The following NHEJ1 variants were observed in gnomAD, a reference collection of about 807,000 sequenced individuals.
The protein encoded by NHEJ1 is non-homologous end joining factor 1.
Under a neutral mutation model 39.4 loss-of-function variants are expected in NHEJ1, and 22 were observed. The ratio of observed to expected loss-of-function variants is 0.56; its 90% CI spans 0.40 to 0.80. NHEJ1 has a LOEUF of 0.80. NHEJ1 is among the 30% of genes least tolerant of loss of function. The probability of loss-of-function intolerance (pLI) is 0.00; values close to 1 mark genes in which losing one functional copy is unlikely to be tolerated. For missense variants in NHEJ1, 329 were observed against 357.1 expected, an observed-to-expected ratio of 0.92 and a Z score of 0.63; for synonymous variants, 154 against 135.6, an observed-to-expected ratio of 1.14 and a Z score of -0.94.
chr2:219,075,008 T>C lies in NHEJ1; in HGVS notation c.*1373A>G, dbSNP rs1948999248. Among the ~76,000 whole-genome samples the C allele has an allele frequency of 2.6e-5, 4 of 152,200 alleles. No individual in the cohort carries two copies. Among genetic ancestry groups the C allele is most frequent in the Admixed American group, 2.6e-4 (4 of 15,284 alleles). ...AGCCCCTGGGGAGCAGACATCCTAT[T>C]GAAAAGAGGCAAGGTCATGGGATAA... On this transcript the variant is annotated 3_prime_UTR_variant, in exon 8 of 8. Coordinates refer to ENST00000356853, the MANE Select transcript of NHEJ1 (RefSeq NM_024782.3).
intron 1 of NHEJ1, among the ~76,000 whole-genome samples, chr2:219,159,526 C>CATATATAT (rs5838720): frequency 2.4e-5 from 1 of 42,092 alleles, no homozygotes; most frequent in Non-Finnish European, 4.6e-5. Flanking sequence ...TATATATATG[C>CATATATAT]ATATATATAT....
chr2:219,075,723 A>G lies in NHEJ1; in HGVS notation c.*658T>C, dbSNP rs1445563027. 6.6e-6 allele frequency: 1 copy of G among 152,358 alleles called. No homozygotes were observed. The highest frequency in any genetic ancestry group is 2.4e-5 in the African/African-American group (1 of 41,462). 9.4% of individuals were successfully genotyped at this position (152,358 alleles called of 1,614,324 possible). The stretch of plus-strand genomic sequence containing the variant: ...TTGCCTATACTTTGGAAACAAAGAG[A>G]AAAATGCATCCAAGTTTGGCAAAGG... On this transcript the variant is annotated 3_prime_UTR_variant, in exon 8 of 8. Coordinates refer to ENST00000356853, the MANE Select transcript of NHEJ1 (RefSeq NM_024782.3).
chr2:219,093,811 C>A (rs1419934825), intron 5 of NHEJ1, among the ~76,000 whole-genome samples: 1 of 151,952 alleles, frequency 6.6e-6, no homozygotes, highest in Non-Finnish European at 1.5e-5. Context: ...ACAGTGAAAC[C>A]AAATCAAACC....
intron 5 of NHEJ1, among the ~76,000 whole-genome samples, chr2:219,098,611 G>A (rs1949229511): frequency 6.6e-6 from 1 of 152,058 alleles, no homozygotes. Flanking sequence ...TTAACTGCCT[G>A]GCAGCATTAA....
Position 219,157,673 on chromosome 2 carries a change from C to CT in NHEJ1, c.188dup (p.Arg64AlafsTer15). The CT allele has an allele frequency of 6.2e-7, 1 of 1,613,360 alleles. No homozygotes were observed. Among genetic ancestry groups the CT allele is most frequent in the African/African-American group, 1.3e-5 (1 of 75,034 alleles). On this transcript the variant is annotated frameshift_variant, in exon 3 of 8. Transcript: ENST00000356853. LOFTEE classifies it high-confidence loss of function. ...AAGCTGCAGGAGGAGCAGTGAGCCG[C>CT]TTGTTCAGCTCCTAAAGAGAGAGCA...
At chr2:219,101,010 T>A (rs542327146) in intron 5 of NHEJ1, among the ~76,000 whole-genome samples, 10 of 152,388 alleles carry the variant, frequency 6.6e-5, no homozygotes, top group African/African-American at 2.4e-4. Context: ...CCAGACTTTT[T>A]TTCTATTTGG....
rs907562068 is a variant in NHEJ1 at position 219,071,644 on chromosome 2, T to G, written c.*4737A>C. Among the ~76,000 whole-genome samples the G allele has an allele frequency of 6.6e-6, 1 of 151,942 alleles. No homozygotes were observed. ...CCAGAGTAAGGGCAGAGAGGAAGAG[T>G]GTGGCACTGCATGCTCCTTTAACTA... On this transcript the variant is annotated 3_prime_UTR_variant, in exon 8 of 8. Coordinates refer to ENST00000356853, the MANE Select transcript of NHEJ1 (RefSeq NM_024782.3).
intron 3 of NHEJ1, among the ~76,000 whole-genome samples, chr2:219,150,531 T>C (rs1022470048): frequency 6.6e-6 from 1 of 152,224 alleles, no homozygotes; most frequent in African/African-American, 2.4e-5. Context: ...TTAAATTTGG[T>C]CCTGCTGGGC....
chr2:219,097,996 T>C (rs527842882), intron 5 of NHEJ1, among the ~76,000 whole-genome samples: 9 of 152,186 alleles, frequency 5.9e-5, no homozygotes, highest in Admixed American at 2.6e-4. Context: ...GCCAGGAAAG[T>C]GTATTGCTCT....
At chr2:219,112,404 T>C (rs1422491352) in intron 5 of NHEJ1, among the ~76,000 whole-genome samples, 1 of 152,218 alleles carries the variant, frequency 6.6e-6, no homozygotes, top group African/African-American at 2.4e-5. Context: ...ATCACGCATA[T>C]ATAAATCATC....
At chr2:219,116,631 A>G (rs1949419396) in intron 5 of NHEJ1, among the ~76,000 whole-genome samples, 1 of 152,186 alleles carries the variant, frequency 6.6e-6, no homozygotes, top group Admixed American at 6.5e-5. Context: ...TACTGGGATT[A>G]CAGGTGTAAG....
chr2:219,113,267 C>G (rs1310489776), intron 5 of NHEJ1, among the ~76,000 whole-genome samples: 1 of 152,020 alleles, frequency 6.6e-6, no homozygotes, highest in East Asian at 1.9e-4. Flanking sequence ...GAATTTCCAA[C>G]GCTGCAGTCT....
chr2:219,084,673 G>T (rs530552025), intron 5 of NHEJ1, among the ~76,000 whole-genome samples: 1 of 152,298 alleles, frequency 6.6e-6, no homozygotes, highest in East Asian at 1.9e-4. Flanking sequence ...CTTTGATGAG[G>T]CTGATGGAAG....
chr2:219,096,545 A>T (rs1027120034), intron 5 of NHEJ1, among the ~76,000 whole-genome samples: 1 of 152,210 alleles, frequency 6.6e-6, no homozygotes, highest in Non-Finnish European at 1.5e-5. Context: ...TGTTCAATGC[A>T]ATGGGGGAAA....
intron 5 of NHEJ1, among the ~76,000 whole-genome samples, chr2:219,087,224 C>T (rs1344502241): frequency 1.3e-5 from 2 of 152,140 alleles, no homozygotes; most frequent in Non-Finnish European, 2.9e-5. Flanking sequence ...CATCCTCTTC[C>T]CAAATGGAAG....
chr2:219,092,452 G>A (rs570752390), intron 5 of NHEJ1, among the ~76,000 whole-genome samples: 1 of 152,216 alleles, frequency 6.6e-6, no homozygotes, highest in African/African-American at 2.4e-5. Flanking sequence ...ATAATTTCAA[G>A]TAGTAATCAG....
intron 5 of NHEJ1, among the ~76,000 whole-genome samples, chr2:219,089,861 C>T (rs1260381248): frequency 6.6e-6 from 1 of 152,166 alleles, no homozygotes; most frequent in Non-Finnish European, 1.5e-5. Flanking sequence ...GATGCTTAGG[C>T]TCCCAAAAGG....
chr2:219,130,139 T>C (rs1213862183), intron 5 of NHEJ1, among the ~76,000 whole-genome samples: 1 of 152,082 alleles, frequency 6.6e-6, no homozygotes, highest in Non-Finnish European at 1.5e-5. Context: ...TTTAATGATA[T>C]GCATCTCATT....
intron 5 of NHEJ1, among the ~76,000 whole-genome samples, chr2:219,127,684 A>G (rs918836367): frequency 5.9e-5 from 9 of 152,248 alleles, no homozygotes; most frequent in Non-Finnish European, 1.5e-5. Context: ...CAGGTGATCA[A>G]TCTGAAAGGC....
Sources: allele counts gnomAD v4.1 joint callset (sites outside exome capture counted in the v4.1 genomes callset), GRCh38; gene constraint gnomAD v4.1.1; transcripts MANE v1.5; gene names NCBI Gene and HGNC (gene_info 2026-07-23, HGNC 2026-07-21).